The following PIP4K2A variants were observed in gnomAD, a reference collection of about 807,000 sequenced individuals.
PIP4K2A encodes the protein phosphatidylinositol-5-phosphate 4-kinase type 2 alpha.
Under a neutral mutation model 42.9 loss-of-function variants are expected in PIP4K2A, and 14 were observed. The observed-to-expected ratio is 0.33, with a 90% CI of 0.22 to 0.51. The LOEUF is 0.51. Ranked by LOEUF, PIP4K2A falls within the 20% of genes least tolerant of loss-of-function variation. The pLI is 0.97. For missense variants in PIP4K2A, 434 were observed against 519.8 expected, an observed-to-expected ratio of 0.83 and a Z score of 1.61; for synonymous variants, 192 against 192.2, an observed-to-expected ratio of 1.00 and a Z score of 0.01.
chr10:22,664,078 T>TATGTATATATACATATATATATATAC (rs1839269804), intron 1 of PIP4K2A, among the ~76,000 whole-genome samples: 13 of 66,360 alleles, frequency 2.0e-4, no homozygotes, highest in Non-Finnish European at 3.1e-4. Context: ...TATATATACG[T>TATGTATATATACATATATATATATAC]ATATATATAT....
At chr10:22,610,614 A>T (rs968740497) in intron 1 of PIP4K2A, among the ~76,000 whole-genome samples, 1 of 152,228 alleles carries the variant, frequency 6.6e-6, no homozygotes, top group Non-Finnish European at 1.5e-5. Context: ...CTGGGTTCAC[A>T]GACAGTAGAG....
intron 4 of PIP4K2A, among the ~76,000 whole-genome samples, chr10:22,585,659 G>T (rs1185912817): frequency 6.7e-6 from 1 of 149,328 alleles, no homozygotes; most frequent in Non-Finnish European, 1.5e-5. Context: ...GGAGTGCAGT[G>T]ATGCCATCTT....
chr10:22,591,763 C>T lies in PIP4K2A; in HGVS notation c.358G>A (p.Ala120Thr), dbSNP rs753756346. ...GCCTGGGAGTCGTTGGGGAGGGGTG[C>T]GCTCCTGGTCAGGGAATTCTTCCCG... is the stretch of plus-strand genomic sequence containing the variant. ...QDFQNSLTRS[A>T]PLPNDSQARS... Residue 120 changes from alanine to threonine, a missense_variant, in exon 4 of 10, where the codon GCA (alanine) becomes ACA (threonine). Transcript: ENST00000376573. 24 of 1,610,056 alleles carry T rather than the reference C, an allele frequency of 1.5e-5. No homozygotes were observed. Among genetic ancestry groups the T allele is most frequent in the East Asian group, 2.2e-5 (1 of 44,724 alleles).
intron 1 of PIP4K2A, among the ~76,000 whole-genome samples, chr10:22,622,598 C>T (rs947705292): frequency 6.6e-6 from 1 of 152,204 alleles, no homozygotes; most frequent in Non-Finnish European, 1.5e-5. Flanking sequence ...TTAATAATTC[C>T]GCCAGTGGGC....
At chr10:22,699,403 T>C (rs1833668701) in intron 1 of PIP4K2A, among the ~76,000 whole-genome samples, 1 of 151,862 alleles carries the variant, frequency 6.6e-6, no homozygotes, top group African/African-American at 2.4e-5. Context: ...TCTGTTCCTG[T>C]TCCTGGGCAC....
chr10:22,601,271 G>A (rs551137593), intron 3 of PIP4K2A, among the ~76,000 whole-genome samples: 12 of 151,048 alleles, frequency 7.9e-5, no homozygotes, highest in Middle Eastern at 3.4e-3. Context: ...CAAAAGCCAC[G>A]AGGCAAAACC....
chr10:22,544,738 A>G (rs1448024451), intron 7 of PIP4K2A, among the ~76,000 whole-genome samples: 3 of 152,210 alleles, frequency 2.0e-5, no homozygotes, highest in African/African-American at 7.2e-5. Flanking sequence ...CGCGTTTCTC[A>G]CAGGGCACAA....
chr10:22,660,889 T>C (rs1444636192), intron 1 of PIP4K2A, among the ~76,000 whole-genome samples: 1 of 151,650 alleles, frequency 6.6e-6, no homozygotes, highest in Non-Finnish European at 1.5e-5. Context: ...CCACAGAACA[T>C]GTAACACCAA....
At chr10:22,695,815 G>A (rs542474161) in intron 1 of PIP4K2A, among the ~76,000 whole-genome samples, 12 of 152,212 alleles carry the variant, frequency 7.9e-5, no homozygotes, top group Non-Finnish European at 1.6e-4. Flanking sequence ...CTGTTTTACT[G>A]TATTGGTGCT....
chr10:22,636,002 T>G (rs1343884875), intron 1 of PIP4K2A, among the ~76,000 whole-genome samples: 1 of 152,200 alleles, frequency 6.6e-6, no homozygotes, highest in Non-Finnish European at 1.5e-5. Flanking sequence ...CTGAAAACAT[T>G]TAGAAGTAAT....
chr10:22,577,678 C>T (rs145020313), intron 4 of PIP4K2A, among the ~76,000 whole-genome samples: 8 of 152,310 alleles, frequency 5.3e-5, no homozygotes, highest in Admixed American at 2.0e-4. Flanking sequence ...CGGTGGATCC[C>T]CTTCTGAGAG....
intron 6 of PIP4K2A, among the ~76,000 whole-genome samples, chr10:22,562,613 C>A (rs532869034): frequency 6.6e-6 from 1 of 152,274 alleles, no homozygotes; most frequent in Non-Finnish European, 1.5e-5. Context: ...GTTTAACAAA[C>A]GTTTCTAGAG....
At chr10:22,606,647 G>T (rs752747308) in intron 3 of PIP4K2A, among the ~76,000 whole-genome samples, 4 of 152,210 alleles carry the variant, frequency 2.6e-5, no homozygotes, top group South Asian at 2.1e-4. Flanking sequence ...ATCTCAGTTT[G>T]CCTGAGGGAC....
chr10:22,610,425 A>G (rs987550229), intron 1 of PIP4K2A, among the ~76,000 whole-genome samples: 1 of 152,230 alleles, frequency 6.6e-6, no homozygotes, highest in East Asian at 1.9e-4. Flanking sequence ...TCTCTTCGTT[A>G]ACTATTTTTG....
rs1336232310 is a variant in PIP4K2A, at chr10:22,591,605, C to CA, written c.492+23dup. ...ACGCATGTTAATCTTCTTGGAGTTTCAAATAAAGATCAAGAAAAATTACCT... is the reference window on the plus strand; with the variant it reads ...ACGCATGTTAATCTTCTTGGAGTTTCAAAATAAAGATCAAGAAAAATTACCT... On this transcript the variant is annotated intron_variant, in intron 4 of 9. Transcript: ENST00000376573. The CA allele has an allele frequency of 4.4e-6, 7 of 1,577,402 alleles. No individual in the cohort carries two copies. The Admixed American group carries it at 5.3e-5, about 12-fold the overall frequency.
intron 1 of PIP4K2A, among the ~76,000 whole-genome samples, chr10:22,661,253 T>C (rs1478911276): frequency 6.6e-6 from 1 of 152,132 alleles, no homozygotes; most frequent in African/African-American, 2.4e-5. Context: ...CAGATGGAGT[T>C]TTCTCATGAA....
chr10:22,666,795 C>T (rs143041798), intron 1 of PIP4K2A, among the ~76,000 whole-genome samples: 5 of 152,300 alleles, frequency 3.3e-5, no homozygotes, highest in African/African-American at 1.2e-4. Flanking sequence ...GCTCCCCGAA[C>T]GTACATTTTC....
intron 1 of PIP4K2A, among the ~76,000 whole-genome samples, chr10:22,678,388 A>T (rs1839600473): frequency 6.6e-6 from 1 of 151,952 alleles, no homozygotes; most frequent in Non-Finnish European, 1.5e-5. Context: ...ACACACTCCA[A>T]ATACAAGACT....
At chr10:22,556,391 T>A (rs187346615) in intron 6 of PIP4K2A, among the ~76,000 whole-genome samples, 250 of 152,336 alleles carry the variant, frequency 1.6e-3, no homozygotes, top group African/African-American at 5.1e-3. Context: ...AAAAGACCTT[T>A]TGTTTAAACT....
Sources: allele counts gnomAD v4.1 joint callset (sites outside exome capture counted in the v4.1 genomes callset), GRCh38; gene constraint gnomAD v4.1.1; transcripts MANE v1.5; gene names NCBI Gene and HGNC (gene_info 2026-07-23, HGNC 2026-07-21).